The following MTIF2 variants were observed in gnomAD, a reference collection of about 807,000 sequenced individuals.
The protein encoded by MTIF2 is translation initiation factor IF-2, mitochondrial.
Under a neutral mutation model 83.5 loss-of-function variants are expected in MTIF2, and 71 were observed. That is an observed-to-expected ratio of 0.85 (90% CI 0.70 to 1.04). The LOEUF (loss-of-function observed/expected upper bound fraction) is 1.04, where lower values mean the gene tolerates loss of function less well. MTIF2 is among the 50% of genes least tolerant of loss of function. The probability of loss-of-function intolerance (pLI) is 0.00; values close to 1 mark genes in which losing one functional copy is unlikely to be tolerated. For synonymous variants in MTIF2, 319 were observed against 287.1 expected, an observed-to-expected ratio of 1.11 and a Z score of -1.12; for missense variants, 957 against 846.5, an observed-to-expected ratio of 1.13 and a Z score of -1.62.
At chr2:55,266,775 T>C in intron 3 of MTIF2, among the ~76,000 whole-genome samples, 1 of 143,284 alleles carries the variant, frequency 7.0e-6, no homozygotes, top group East Asian at 2.0e-4. Flanking sequence ...TTTTTTTTTT[T>C]TTTTTTTTTT....
chr2:55,258,270 C>A (rs1298329332), intron 5 of MTIF2, among the ~76,000 whole-genome samples: 1 of 152,220 alleles, frequency 6.6e-6, no homozygotes, highest in African/African-American at 2.4e-5. Context: ...TCCTATTTAT[C>A]TTTCTACCAC....
intron 14 of MTIF2, among the ~76,000 whole-genome samples, chr2:55,239,344 A>G (rs918716835): frequency 5.3e-5 from 8 of 152,242 alleles, no homozygotes; most frequent in Admixed American, 4.6e-4. Flanking sequence ...TGGTCCAGGG[A>G]AAAAACATCA....
chr2:55,258,030 G>T (rs565186102), intron 5 of MTIF2, among the ~76,000 whole-genome samples: 1 of 152,160 alleles, frequency 6.6e-6, no homozygotes, highest in East Asian at 1.9e-4. Context: ...GGGCTCAAGC[G>T]ATATGTTTGC....
intron 3 of MTIF2, chr2:55,266,398 T>C (rs953612048): frequency 1.3e-5 from 2 of 151,770 alleles, no homozygotes; most frequent in Non-Finnish European, 2.9e-5. Context: ...TGGTGGCACA[T>C]GCCTGTAGTC....
chr2:55,252,349 C>A, intron 8 of MTIF2, 128 bp downstream of exon 8: 1 of 788,542 alleles, frequency 1.3e-6, no homozygotes, highest in Non-Finnish European at 2.0e-6. Context: ...AACAATTTAT[C>A]TTTGAGGCTT....
At chr2:55,262,505 T>C (rs1270685013) in intron 4 of MTIF2, 78 bp from the exon 5 acceptor site, 3 of 757,580 alleles carry the variant, frequency 4.0e-6, no homozygotes. Context: ...CTCAAATATC[T>C]ACCACAATCA....
In MTIF2 at chr2:55,268,693, T is replaced by C. The variant is rs1678613548; in HGVS notation, c.-190A>G. On this transcript the variant is annotated 5_prime_UTR_variant, in exon 2 of 16. Transcript: ENST00000263629. ...AAGACTAGAACCCAGACGTTCTGAC[T>C]CCCAGTACGGTGTTGTTTCGCCGCT... 6.6e-6 allele frequency: 1 copy of C among 152,258 alleles called. No individual in the cohort carries two copies. Among genetic ancestry groups the C allele is most frequent in the Non-Finnish European group, 1.5e-5 (1 of 68,080 alleles). 9.4% of individuals were successfully genotyped at this position (152,258 alleles called of 1,614,324 possible). A position where few individuals can be genotyped will look rare whatever the true frequency, so the allele number is the denominator to read the frequency against.
chr2:55,260,400 C>CAAAAAAA, intron 5 of MTIF2, among the ~76,000 whole-genome samples: 1 of 87,420 alleles, frequency 1.1e-5, no homozygotes, highest in Non-Finnish European at 2.4e-5. Context: ...AACTCTGTCT[C>CAAAAAAA]AAAAAAAAAA....
intron 9 of MTIF2, among the ~76,000 whole-genome samples, chr2:55,248,885 C>T (rs1040793663): frequency 2.6e-5 from 4 of 152,084 alleles, no homozygotes; most frequent in African/African-American, 7.2e-5. Context: ...CTTGTAATCT[C>T]GGTGCTTTGG....
rs1001582377 is a variant in MTIF2, at chr2:55,250,844, G to A, written c.842-1310C>T. ...GAAAAAGTACATTCTGGCCGGGCAC[G>A]GTGGCTCATACCTGTAATCCCAGGA... On this transcript the variant is annotated intron_variant, in intron 8 of 15. Transcript: ENST00000263629. Among the ~76,000 whole-genome samples the A allele has an allele frequency of 5.3e-5, 8 of 152,042 alleles. No homozygotes were observed. The South Asian group carries it at 6.2e-4, about 12-fold the overall frequency.
chr2:55,265,686 C>T (rs1438515131), intron 3 of MTIF2, among the ~76,000 whole-genome samples: 1 of 151,880 alleles, frequency 6.6e-6, no homozygotes. Context: ...GTGCTTTTAT[C>T]TATTTTACTC....
At position 55,236,871 on chromosome 2, in the gene MTIF2, A is replaced by G. The variant is rs1036292584; in HGVS notation, c.2012-51T>C. On this transcript the variant is annotated intron_variant, in intron 15 of 15. Coordinates refer to ENST00000263629, the MANE Select transcript of MTIF2 (RefSeq NM_002453.3). ...TATATTCAATAAATGATAAGTACCT[A>G]CTAAATACTACATTATGTGGTGTTA... 4 of 1,331,092 alleles carry G rather than the reference A, an allele frequency of 3.0e-6. No individual in the cohort carries two copies. The African/African-American group carries it at 6.0e-5, about 20-fold the overall frequency. The allele number at this position is 1,331,092 out of a possible 1,614,324, so 82.5% of individuals were successfully genotyped here.
At chr2:55,267,165 T>A (rs1219533772) in intron 3 of MTIF2, among the ~76,000 whole-genome samples, 1 of 149,086 alleles carries the variant, frequency 6.7e-6, no homozygotes, top group African/African-American at 2.5e-5. Context: ...ATATACTGAA[T>A]TTTTTTTTTT....
chr2:55,238,637 C>G (rs1024367601), intron 14 of MTIF2, among the ~76,000 whole-genome samples: 1 of 152,080 alleles, frequency 6.6e-6, no homozygotes, highest in Non-Finnish European at 1.5e-5. Context: ...GTGATCCGCC[C>G]GCCTCGACCT....
intron 7 of MTIF2, among the ~76,000 whole-genome samples, chr2:55,253,798 GAGTGAGACTCTGTCTCAAAAAGAAAAAA>G (rs537431352): frequency 0.39 from 58,805 of 149,952 alleles, 11,528 homozygotes; most frequent in Middle Eastern, 0.43. Flanking sequence ...CTGGGTGACA[GAGTGAGACTCTGTCTCAAAAAGAAAAAA>G]AAAAAAAAAA....
At chr2:55,244,582 T>C (rs889777611) in intron 10 of MTIF2, among the ~76,000 whole-genome samples, 1 of 152,178 alleles carries the variant, frequency 6.6e-6, no homozygotes, top group East Asian at 1.9e-4. Flanking sequence ...AAAGAAAATG[T>C]GGATTTTACA....
intron 5 of MTIF2, among the ~76,000 whole-genome samples, chr2:55,261,371 C>T (rs62135146): frequency 0.7 from 105,788 of 151,554 alleles, 38,154 homozygotes; most frequent in Non-Finnish European, 0.79. Flanking sequence ...TCTGGGAGGC[C>T]GAGGCAGGCA....
At position 55,240,135 on chromosome 2, in the gene MTIF2, G is replaced by C; in HGVS notation, c.1746C>G (p.Ile582Met). The C allele has an allele frequency of 6.2e-7, 1 of 1,613,748 alleles. No homozygotes were observed. Among genetic ancestry groups the C allele is most frequent in the Non-Finnish European group, 8.5e-7 (1 of 1,179,802 alleles). ...YGFNVNAGNVIQQSAAKKGVK... is the reference protein window; with the variant it reads ...YGFNVNAGNVMQQSAAKKGVK... ...CTCCTTTTTTTGCAGCTGACTGTTGGATAACATTGCCTGCATTCACATTAA... is the reference window on the plus strand; with the variant it reads ...CTCCTTTTTTTGCAGCTGACTGTTGCATAACATTGCCTGCATTCACATTAA... The change falls in exon 14 of 16, where the codon ATC becomes ATG. Residue 582 changes from isoleucine (I) to methionine (M), a missense_variant. Transcript: ENST00000263629.
intron 6 of MTIF2, 66 bp from the exon 7 acceptor site, chr2:55,254,267 GTT>G (rs1332579790): frequency 6.5e-7 from 1 of 1,532,216 alleles, no homozygotes; most frequent in East Asian, 2.3e-5. Context: ...CTGTGAATTG[GTT>G]CACATTTATC....
Sources: allele counts gnomAD v4.1 joint callset (sites outside exome capture counted in the v4.1 genomes callset), GRCh38; gene constraint gnomAD v4.1.1; transcripts MANE v1.5; gene names NCBI Gene and HGNC (gene_info 2026-07-23, HGNC 2026-07-21).